Variants in KDM4C observed in about 807,000 individuals in gnomAD.
KDM4C encodes the protein lysine-specific demethylase 4C.
Under a neutral mutation model 129.3 loss-of-function variants are expected in KDM4C, and 81 were observed. That is an observed-to-expected ratio of 0.63 (90% CI 0.52 to 0.75). The LOEUF (loss-of-function observed/expected upper bound fraction) is 0.75. Among genes scored for constraint, KDM4C ranks in the 30% least tolerant of loss-of-function variants. KDM4C has a pLI of 0.00. For missense variants in KDM4C, 1,457 were observed against 1,304.0 expected, an observed-to-expected ratio of 1.12 and a Z score of -1.81; for synonymous variants, 573 against 456.1, an observed-to-expected ratio of 1.26 and a Z score of -3.26.
Position 6,877,207 on chromosome 9 carries a change from A to T in KDM4C, c.630-2805A>T, listed in dbSNP as rs138512632. 4.6e-5 allele frequency among the ~76,000 whole-genome samples: 7 copies of T among 152,240 alleles called. No homozygotes were observed. In the East Asian group the frequency reaches 9.7e-4, roughly 21 times the overall value. ...GAAAAAGGCTTAGAAAGTGCTAAGC[A>T]AGATTTTTTTTGAGATGGAGTCTTG... On this transcript the variant is annotated intron_variant, in intron 5 of 21. Transcript: ENST00000381309.
At chr9:6,856,408 G>C (rs1321048282) in intron 5 of KDM4C, among the ~76,000 whole-genome samples, 2 of 152,044 alleles carry the variant, frequency 1.3e-5, no homozygotes, top group Non-Finnish European at 2.9e-5. Flanking sequence ...GTTCATTTTG[G>C]TTTTAATTGC....
At chr9:6,882,508 A>G (rs1296547425) in intron 6 of KDM4C, among the ~76,000 whole-genome samples, 1 of 152,224 alleles carries the variant, frequency 6.6e-6, no homozygotes, top group African/African-American at 2.4e-5. Context: ...TAAAAAACTG[A>G]AAAGGATTTA....
intron 18 of KDM4C, among the ~76,000 whole-genome samples, chr9:7,119,011 C>T (rs1839217040): frequency 6.6e-6 from 1 of 152,132 alleles, no homozygotes; most frequent in Non-Finnish European, 1.5e-5. Context: ...TAACTGTTTT[C>T]TCTCTGGTCT....
At chr9:7,140,564 C>G (rs1841644537) in intron 19 of KDM4C, among the ~76,000 whole-genome samples, 1 of 152,106 alleles carries the variant, frequency 6.6e-6, no homozygotes, top group African/African-American at 2.4e-5. Context: ...TAGGGAATTC[C>G]TGCAGGGCTG....
chr9:7,016,386 C>T (rs1168635010), intron 15 of KDM4C, among the ~76,000 whole-genome samples: 1 of 148,688 alleles, frequency 6.7e-6, no homozygotes, highest in Non-Finnish European at 1.5e-5. Flanking sequence ...CTCGGCCTCC[C>T]AAAGTGCTGG....
intron 21 of KDM4C, among the ~76,000 whole-genome samples, chr9:7,174,060 A>G (rs1845215978): frequency 6.6e-6 from 1 of 152,242 alleles, no homozygotes; most frequent in African/African-American, 2.4e-5. Flanking sequence ...ACAAAATGAC[A>G]GAGAAGAGAG....
intron 17 of KDM4C, among the ~76,000 whole-genome samples, chr9:7,071,923 A>AGGAACTTGTCT (rs1318787030): frequency 2.6e-5 from 4 of 152,202 alleles, no homozygotes; most frequent in Middle Eastern, 3.2e-3. Context: ...ACACTTGATA[A>AGGAACTTGTCT]GGAACTTGTC....
intron 2 of KDM4C, among the ~76,000 whole-genome samples, chr9:6,795,169 A>C (rs575732308): frequency 9.8e-5 from 15 of 152,308 alleles, no homozygotes; most frequent in African/African-American, 3.6e-4. Context: ...GTCAGATAGC[A>C]TGGAAAACAG....
At chr9:6,881,522 C>T (rs1844455186) in intron 6 of KDM4C, among the ~76,000 whole-genome samples, 1 of 152,106 alleles carries the variant, frequency 6.6e-6, no homozygotes, top group African/African-American at 2.4e-5. Context: ...ATTTTTCCAC[C>T]ATTTTCTATT....
At chr9:6,858,032 T>C (rs769191931) in intron 5 of KDM4C, among the ~76,000 whole-genome samples, 1 of 151,280 alleles carries the variant, frequency 6.6e-6, no homozygotes, top group Non-Finnish European at 1.5e-5. Flanking sequence ...CATAGCTCAT[T>C]GTAGCCTCAA....
chr9:6,786,249 G>A (rs150417760), intron 1 of KDM4C, among the ~76,000 whole-genome samples: 6 of 152,236 alleles, frequency 3.9e-5, no homozygotes, highest in African/African-American at 1.2e-4. Context: ...ATAAAGACAC[G>A]TTCTCATTAG....
chr9:7,041,479 A>G (rs901166820), intron 15 of KDM4C, among the ~76,000 whole-genome samples: 1 of 151,766 alleles, frequency 6.6e-6, no homozygotes, highest in Non-Finnish European at 1.5e-5. Context: ...TGCCAATTCC[A>G]GTTTGCTTCT....
chr9:6,852,602 C>G (rs1487079549), intron 5 of KDM4C, among the ~76,000 whole-genome samples: 2 of 152,164 alleles, frequency 1.3e-5, no homozygotes, highest in Non-Finnish European at 2.9e-5. Flanking sequence ...CTGTATCTCC[C>G]CTTCAGTATG....
rs528135215 is a variant in KDM4C, at chr9:7,004,204, T to G, written c.1787-7494T>G. On this transcript the variant is annotated intron_variant, in intron 12 of 21. Transcript: ENST00000381309. ...TCACAAATGGCCTGAATAATTTTCCTTAGGGACGTCACTTACATGTAACAA... is the reference window on the plus strand; with the variant it reads ...TCACAAATGGCCTGAATAATTTTCCGTAGGGACGTCACTTACATGTAACAA... Among the ~76,000 whole-genome samples the G allele has an allele frequency of 9.8e-5, 15 of 152,334 alleles. No individual in the cohort carries two copies. In the South Asian group the frequency reaches 2.3e-3, roughly 23 times the overall value.
intron 19 of KDM4C, among the ~76,000 whole-genome samples, chr9:7,164,819 A>G (rs1391841377): frequency 2.0e-5 from 3 of 152,132 alleles, no homozygotes; most frequent in East Asian, 1.9e-4. Flanking sequence ...GTCTCTTTCT[A>G]TGTCATGGGG....
chr9:6,972,566 A>G (rs1242792582), intron 8 of KDM4C, among the ~76,000 whole-genome samples: 1 of 152,174 alleles, frequency 6.6e-6, no homozygotes, highest in African/African-American at 2.4e-5. Context: ...TCATATTTTA[A>G]AAGACTGTTA....
chr9:7,130,925 AT>A (rs111274021), intron 19 of KDM4C, among the ~76,000 whole-genome samples: 257 of 142,408 alleles, frequency 1.8e-3, no homozygotes, highest in Non-Finnish European at 1.9e-3. Context: ...TGCCTGGCTA[AT>A]TTTTTTTTTT....
chr9:6,803,983 C>T (rs925559377), intron 2 of KDM4C, among the ~76,000 whole-genome samples: 14 of 152,052 alleles, frequency 9.2e-5, no homozygotes, highest in East Asian at 3.9e-4. Context: ...TCACCACGCC[C>T]GGATAATTTT....
chr9:6,890,731 A>G (rs1310140634), intron 7 of KDM4C, among the ~76,000 whole-genome samples: 1 of 152,062 alleles, frequency 6.6e-6, no homozygotes, highest in African/African-American at 2.4e-5. Context: ...TTCTTGTTCC[A>G]GTGGCAGCAG....
Sources: gnomAD v4.1 joint callset for allele counts (sites outside exome capture counted in the v4.1 genomes callset) on GRCh38, gnomAD v4.1.1 for gene constraint, MANE v1.5 for transcripts, NCBI Gene and HGNC (gene_info 2026-07-23, HGNC 2026-07-21) for gene names.